Variants in PTPRN2 observed in about 807,000 individuals in gnomAD.
PTPRN2 encodes protein tyrosine phosphatase receptor type N2.
A neutral mutation model predicts 118.8 loss-of-function variants in PTPRN2; 74 were observed. The ratio of observed to expected loss-of-function variants is 0.62; its 90% CI spans 0.52 to 0.76. PTPRN2 has a LOEUF of 0.76. PTPRN2 is among the 30% of genes least tolerant of loss of function. The pLI is 0.00. For missense variants in PTPRN2, 1,481 were observed against 1,394.4 expected, an observed-to-expected ratio of 1.06 and a Z score of -0.99; for synonymous variants, 641 against 608.0, an observed-to-expected ratio of 1.05 and a Z score of -0.80.
chr7:158,546,880 C>G lies in PTPRN2; in HGVS notation c.112+40678G>C, dbSNP rs954140242. On this transcript the variant is annotated intron_variant, in intron 1 of 22. Coordinates refer to ENST00000389418, the MANE Select transcript of PTPRN2 (RefSeq NM_002847.5). This position sits in a 1 kb window ranked among gnomAD's most constrained non-coding sequence, Gnocchi z 5.0. Reference sequence around the variant, plus strand: ...TGGTTAACGCTGGGGCTGCCTTCATCTCACGCATGCTGGGCAGCCTGGGCA... The same window carrying G: ...TGGTTAACGCTGGGGCTGCCTTCATGTCACGCATGCTGGGCAGCCTGGGCA... Among the ~76,000 whole-genome samples the G allele has an allele frequency of 6.6e-6, 1 of 152,238 alleles. No homozygotes were observed. Among genetic ancestry groups the G allele is most frequent in the Non-Finnish European group, 1.5e-5 (1 of 68,042 alleles).
intron 12 of PTPRN2, among the ~76,000 whole-genome samples, chr7:157,853,298 T>C (rs1011620121): frequency 6.6e-6 from 1 of 152,134 alleles, no homozygotes; most frequent in African/African-American, 2.4e-5. Context: ...GAAAGGCCTG[T>C]GGCATGGGGT....
At position 158,525,570 on chromosome 7, in the gene PTPRN2, C is replaced by G. The variant is rs1281408002; in HGVS notation, c.113-35785G>C. On this transcript the variant is annotated intron_variant, in intron 1 of 22. Transcript: ENST00000389418. The surrounding 1 kb of genome is among the most constrained non-coding windows in gnomAD (Gnocchi z 4.1). The stretch of plus-strand genomic sequence containing the variant: ...AACAGGCGCTCACTGTATCTCCTCC[C>G]TTCCTCCTGAGAGGTCCTACGGGAT... Among the ~76,000 whole-genome samples, 1 of 152,260 alleles carries G rather than the reference C, an allele frequency of 6.6e-6. No individual in the cohort carries two copies. The highest frequency in any genetic ancestry group is 1.5e-5 in the Non-Finnish European group (1 of 68,040).
chr7:158,082,464 G>C (rs1355452006), intron 10 of PTPRN2, among the ~76,000 whole-genome samples: 1 of 152,170 alleles, frequency 6.6e-6, no homozygotes, highest in African/African-American at 2.4e-5. Context: ...CTCCCAGCCA[G>C]GGCCAGCTCC....
At chr7:158,341,145 A>G (rs1423099950) in intron 2 of PTPRN2, among the ~76,000 whole-genome samples, 42 of 136,426 alleles carry the variant, frequency 3.1e-4, no homozygotes, top group Admixed American at 1.0e-3. Context: ...CAGTCTCACC[A>G]TAAGAGCTGA....
intron 19 of PTPRN2, among the ~76,000 whole-genome samples, chr7:157,575,170 A>T (rs1343964999): frequency 6.6e-6 from 1 of 152,204 alleles, no homozygotes. Flanking sequence ...CACTGGATGA[A>T]CGCAAAGACG....
rs996261671 is a variant in PTPRN2 at position 158,526,580 on chromosome 7, T to A, written c.113-36795A>T. ...GATGGCTGAGTTGTGCACCCCAAAG[T>A]TCATACACTGAAGTCCTGACCCCCA... On this transcript the variant is annotated intron_variant, in intron 1 of 22. Coordinates refer to ENST00000389418, the MANE Select transcript of PTPRN2 (RefSeq NM_002847.5). The surrounding 1 kb of genome is among the most constrained non-coding windows in gnomAD (Gnocchi z 5.2). 6.6e-6 allele frequency among the ~76,000 whole-genome samples: 1 copy of A among 152,126 alleles called. No individual in the cohort carries two copies. Among genetic ancestry groups the A allele is most frequent in the African/African-American group, 2.4e-5 (1 of 41,416 alleles).
intron 6 of PTPRN2, among the ~76,000 whole-genome samples, chr7:158,157,736 G>A (rs1202627737): frequency 6.6e-6 from 1 of 150,624 alleles, no homozygotes; most frequent in African/African-American, 2.5e-5. Flanking sequence ...CGCTATATAA[G>A]CCACAGAGTG....
chr7:157,709,412 A>C lies in PTPRN2; in HGVS notation c.1789-26475T>G, dbSNP rs139229767. On this transcript the variant is annotated intron_variant, in intron 12 of 22. Coordinates refer to ENST00000389418, the MANE Select transcript of PTPRN2 (RefSeq NM_002847.5). ...CTGCGGGTAGCTGAGAGCCTAAGTG[A>C]GGTGTGTGGGACAGAATGAGGTGCT... is the stretch of plus-strand genomic sequence containing the variant. Among the ~76,000 whole-genome samples, 425 of 152,288 alleles carry C rather than the reference A, an allele frequency of 2.8e-3. 3 individuals carry two copies. The highest frequency in any genetic ancestry group is 4.3e-3 in the Non-Finnish European group (292 of 68,008).
intron 2 of PTPRN2, among the ~76,000 whole-genome samples, chr7:158,431,800 G>A (rs548138966): frequency 7.9e-5 from 12 of 151,774 alleles, no homozygotes; most frequent in African/African-American, 1.9e-4. Flanking sequence ...GGCTCACACC[G>A]GGCACACACT....
In PTPRN2 at chr7:157,953,849, G is replaced by A. The variant is rs954242327; in HGVS notation, c.1724-55112C>T. Among the ~76,000 whole-genome samples, 1 of 152,118 alleles carries A rather than the reference G, an allele frequency of 6.6e-6. No homozygotes were observed. The highest frequency in any genetic ancestry group is 1.5e-5 in the Non-Finnish European group (1 of 68,018). Reference sequence around the variant, plus strand: ...TAAGAGCGGTGCTGGAGAAATGTAAGCAAATCCGCATTTCGAAGCAGAAAT... The same window carrying A: ...TAAGAGCGGTGCTGGAGAAATGTAAACAAATCCGCATTTCGAAGCAGAAAT... On this transcript the variant is annotated intron_variant, in intron 11 of 22. Transcript: ENST00000389418. The surrounding 1 kb of genome is among the most constrained non-coding windows in gnomAD (Gnocchi z 4.6).
At position 158,176,799 on chromosome 7, in the gene PTPRN2, G is replaced by A. The variant is rs75096491; in HGVS notation, c.550-9508C>T. On this transcript the variant is annotated intron_variant, in intron 5 of 22. Coordinates refer to ENST00000389418, the MANE Select transcript of PTPRN2 (RefSeq NM_002847.5). ...AAAGGTCATAAGAACAATCACATGA[G>A]GGGGCAAACTTTTAAAAAACTCAAA... Among the ~76,000 whole-genome samples, 884 of 152,368 alleles carry A rather than the reference G, an allele frequency of 5.8e-3. 3 individuals carry two copies. The highest frequency in any genetic ancestry group is 8.4e-3 in the Non-Finnish European group (574 of 68,040).
chr7:158,078,729 C>T (rs575822354), intron 11 of PTPRN2, among the ~76,000 whole-genome samples: 13 of 152,386 alleles, frequency 8.5e-5, no homozygotes, highest in Admixed American at 2.6e-4. Context: ...AGTCACCAAC[C>T]GTGCTAAGCG....
chr7:158,213,569 T>C (rs1335729000), intron 3 of PTPRN2, among the ~76,000 whole-genome samples: 1 of 152,172 alleles, frequency 6.6e-6, no homozygotes, highest in Non-Finnish European at 1.5e-5. Context: ...CACTCACTAC[T>C]ATCCAATTTA....
chr7:157,788,234 G>A (rs1804200370), intron 12 of PTPRN2, among the ~76,000 whole-genome samples: 1 of 152,096 alleles, frequency 6.6e-6, no homozygotes, highest in Non-Finnish European at 1.5e-5. Flanking sequence ...AAGTAGCCAG[G>A]TGTGGTAGCA....
intron 17 of PTPRN2, among the ~76,000 whole-genome samples, chr7:157,582,099 A>G (rs1404846894): frequency 1.3e-5 from 2 of 151,842 alleles, no homozygotes; most frequent in Non-Finnish European, 3.0e-5. Context: ...GTTTTAAAAC[A>G]ACGAGTTTGC....
At chr7:157,673,625 C>A (rs1429321095) in intron 13 of PTPRN2, among the ~76,000 whole-genome samples, 1 of 152,048 alleles carries the variant, frequency 6.6e-6, no homozygotes, top group African/African-American at 2.4e-5. Context: ...CCCTTCCATG[C>A]TCCTCTCCCG....
At chr7:157,857,172 C>T (rs1018990297) in intron 12 of PTPRN2, 2 of 62,924 alleles carry the variant, frequency 3.2e-5, no homozygotes, top group African/African-American at 1.2e-4. Context: ...GAGGGGGACG[C>T]TGGAAGGGGA....
At chr7:158,412,064 G>T (rs1814150697) in intron 2 of PTPRN2, among the ~76,000 whole-genome samples, 2 of 146,832 alleles carry the variant, frequency 1.4e-5, no homozygotes, top group Admixed American at 1.3e-4. Context: ...CAGCACCAGG[G>T]CCCATCCAGC....
chr7:158,463,390 TAC>T (rs1563324161), intron 2 of PTPRN2, among the ~76,000 whole-genome samples: 5 of 151,648 alleles, frequency 3.3e-5, no homozygotes, highest in African/African-American at 1.2e-4. Context: ...TCATTATCAT[TAC>T]CATCACGACC....
Sources: gnomAD v4.1 joint callset for allele counts (sites outside exome capture counted in the v4.1 genomes callset) on GRCh38, gnomAD v4.1.1 for gene constraint, Gnocchi (gnomAD v3.1) non-coding constraint, MANE v1.5 for transcripts, NCBI Gene and HGNC (gene_info 2026-07-23, HGNC 2026-07-21) for gene names.